Variants in RDH10 observed in about 807,000 individuals in gnomAD.
RDH10 encodes retinol dehydrogenase 10 (all-trans).
In RDH10, 12 loss-of-function variants were observed where a neutral mutation model predicts 30.2. That is an observed-to-expected ratio of 0.40 (90% CI 0.25 to 0.64). The LOEUF is 0.64. Among genes scored for constraint, RDH10 ranks in the 30% least tolerant of loss-of-function variants. The probability of loss-of-function intolerance (pLI) is 0.43; values close to 1 mark genes in which losing one functional copy is unlikely to be tolerated. For synonymous variants in RDH10, 189 were observed against 172.2 expected (o/e 1.10, Z -0.76); for missense variants, 268 against 445.2 (o/e 0.60, Z 3.58).
chr8:73,295,314 G>T lies in RDH10; in HGVS notation c.25G>T (p.Val9Leu), dbSNP rs867212084. The T allele has an allele frequency of 1.3e-6, 2 of 1,566,808 alleles. No individual in the cohort carries two copies. The highest frequency in any genetic ancestry group is 1.9e-5 in the Admixed American group (1 of 53,638). ...GATGAACATCGTGGTGGAGTTCTTC[G>T]TGGTCACTTTCAAAGTGCTCTGGGC... is the stretch of plus-strand genomic sequence containing the variant. MNIVVEFF[V>L]VTFKVLWAFV... Residue 9 changes from valine (V) to leucine (L), a missense_variant, in exon 1 of 6, where the codon GTG (valine) becomes TTG (leucine). Physicochemically the swap from Val to Leu is conservative, Grantham distance 32 (BLOSUM62 1). Around this residue, in one of 4 missense-constraint regions of RDH10, gnomAD observed 44 missense variants for 42.1 expected, o/e 1.04. Transcript: ENST00000240285.
intron 2 of RDH10, among the ~76,000 whole-genome samples, chr8:73,307,885 T>C (rs1441396019): frequency 1.3e-5 from 2 of 152,226 alleles, no homozygotes; most frequent in African/African-American, 4.8e-5. Context: ...CCAGGAAGCT[T>C]GCTCTGTAGA....
chr8:73,298,334 A>G (rs1198624436), intron 2 of RDH10, among the ~76,000 whole-genome samples: 3 of 152,192 alleles, frequency 2.0e-5, no homozygotes, highest in African/African-American at 7.2e-5. Flanking sequence ...GCCTTCTAAT[A>G]GAACACAACA....
intron 2 of RDH10, among the ~76,000 whole-genome samples, chr8:73,301,402 T>A (rs141105954): frequency 6.6e-6 from 1 of 151,906 alleles, no homozygotes; most frequent in African/African-American, 2.4e-5. Context: ...TAGGCTTAAA[T>A]ATTTAGAAGA....
chr8:73,306,920 A>C (rs1428232241), intron 2 of RDH10, among the ~76,000 whole-genome samples: 1 of 152,252 alleles, frequency 6.6e-6, no homozygotes, highest in Admixed American at 6.5e-5. Context: ...GGGTATTTTG[A>C]GGACAAGTGA....
rs767726369 is a variant in RDH10, at chr8:73,322,757, C to T, written c.849C>T (p.Asp283=). ...AGGCCATGAAGGCCATCCTCACTGA[C>T]CAGCCCATGATCTGCACTCCCCGCC... ...VKQAMKAILT[D]QPMICTPRLM... The change falls in exon 5 of 6, where the codon GAC becomes GAT. Residue 283 remains aspartate (D), a synonymous_variant. Transcript: ENST00000240285. 6.2e-7 allele frequency: 1 copy of T among 1,614,076 alleles called. No individual in the cohort carries two copies. The highest frequency in any genetic ancestry group is 8.5e-7 in the Non-Finnish European group (1 of 1,179,954).
intron 2 of RDH10, chr8:73,313,516 T>C (rs1233090934): frequency 6.6e-6 from 1 of 152,126 alleles, no homozygotes; most frequent in African/African-American, 2.4e-5. Flanking sequence ...CAGAATATGG[T>C]ATTGGAATCT....
Position 73,294,636 on chromosome 8 carries a change from GC to G in RDH10, c.-653del. 3.0e-6 allele frequency: 1 copy of G among 329,084 alleles called. No homozygotes were observed. Among genetic ancestry groups the G allele is most frequent in the Non-Finnish European group, 5.5e-6 (1 of 181,942 alleles). 20.4% of individuals were successfully genotyped at this position (329,084 alleles called of 1,614,324 possible). On this transcript the variant is annotated 5_prime_UTR_variant, in exon 1 of 6. Coordinates refer to ENST00000240285, the MANE Select transcript of RDH10 (RefSeq NM_172037.5). The stretch of plus-strand genomic sequence containing the variant: ...CCGGAGCGCTCTGACTTGCAAGCGG[GC>G]TGCGCTGCGGAGCCCAGTGCCCGAG...
At position 73,297,221 on chromosome 8, in the gene RDH10, C is replaced by A. The variant is rs1324680102; in HGVS notation, c.317C>A (p.Pro106His). 1.2e-6 allele frequency: 2 copies of A among 1,612,870 alleles called. No homozygotes were observed. Among genetic ancestry groups the A allele is most frequent in the Admixed American group, 1.7e-5 (1 of 60,020 alleles). ...GGGAATGGTGAGGAAGAAATTCTGC[C>A]CCACTGTAACTTGCAGGTTTTTACC... ...QAGNGEEEILPHCNLQVFTYT... is the reference protein window; with the variant it reads ...QAGNGEEEILHHCNLQVFTYT... The change falls in exon 2 of 6, where the codon CCC becomes CAC. Residue 106 changes from proline to histidine, a missense_variant. Physicochemically the swap from Pro to His is moderately conservative, Grantham distance 77. Around this residue, in one of 4 missense-constraint regions of RDH10, gnomAD observed 46 missense variants for 36.7 expected, o/e 1.25. Transcript: ENST00000240285.
chr8:73,308,608 C>A (rs1489632595), intron 2 of RDH10, among the ~76,000 whole-genome samples: 1 of 152,120 alleles, frequency 6.6e-6, no homozygotes, highest in African/African-American at 2.4e-5. Flanking sequence ...TTTTAGGTTT[C>A]TTCTTTACAA....
rs1814805779 is a variant in RDH10, at chr8:73,323,553, T to A, written c.*517T>A. 6.5e-6 allele frequency: 1 copy of A among 153,660 alleles called. No individual in the cohort carries two copies. Among genetic ancestry groups the A allele is most frequent in the Non-Finnish European group, 1.4e-5 (1 of 68,980 alleles). The allele number at this position is 153,660 out of a possible 1,614,324, so 9.5% of individuals were successfully genotyped here. ...TATGTTTAGCTCTTTTGAAAAGGAA[T>A]TTTGAAATCTCCATCAACTGAAGTA... On this transcript the variant is annotated 3_prime_UTR_variant, in exon 6 of 6. Transcript: ENST00000240285.
intron 1 of RDH10, chr8:73,296,938 T>C: frequency 4.5e-6 from 2 of 443,486 alleles, no homozygotes; most frequent in Non-Finnish European, 8.4e-6. Flanking sequence ...GGTCTACTTG[T>C]ATTGGGCTTG....
At chr8:73,295,754 T>G in intron 1 of RDH10, 176 bp downstream of exon 1, 1 of 921,812 alleles carries the variant, frequency 1.1e-6, no homozygotes, top group Non-Finnish European at 1.5e-6. Context: ...ACGCGATCAC[T>G]TCTGTATTAC....
At chr8:73,308,282 T>C (rs765452180) in intron 2 of RDH10, among the ~76,000 whole-genome samples, 2 of 152,230 alleles carry the variant, frequency 1.3e-5, no homozygotes, top group Non-Finnish European at 2.9e-5. Context: ...AATATTCTTA[T>C]GGGATCAGAA....
At position 73,294,691 on chromosome 8, in the gene RDH10, G is replaced by C; in HGVS notation, c.-599G>C. ...CACCCGCGGAGAGTGCAGGGCCGGG[G>C]AACGCGAGCCCTCGGGGGCAGCTGC... is the stretch of plus-strand genomic sequence containing the variant. On this transcript the variant is annotated 5_prime_UTR_variant, in exon 1 of 6. Transcript: ENST00000240285. The C allele has an allele frequency of 2.7e-6, 1 of 367,790 alleles. No individual in the cohort carries two copies. The allele number at this position is 367,790 out of a possible 1,614,324, so 22.8% of individuals were successfully genotyped here.
At chr8:73,298,874 G>A (rs757390757) in intron 2 of RDH10, among the ~76,000 whole-genome samples, 25 of 152,274 alleles carry the variant, frequency 1.6e-4, no homozygotes, top group Non-Finnish European at 3.2e-4. Flanking sequence ...GAGTACAATG[G>A]CGTGATCTCA....
chr8:73,323,440 G>A lies in RDH10; in HGVS notation c.*404G>A, dbSNP rs969285015. ...TAAACTCTAGCCAGTTGACATCTTC[G>A]CAATTTCAAGGACTGATAGTGCTGT... On this transcript the variant is annotated 3_prime_UTR_variant, in exon 6 of 6. Transcript: ENST00000240285. 7.3e-5 allele frequency: 12 copies of A among 165,250 alleles called. No homozygotes were observed. The highest frequency in any genetic ancestry group is 1.7e-4 in the Admixed American group (3 of 17,692). 10.2% of individuals were successfully genotyped at this position (165,250 alleles called of 1,614,324 possible). A position where few individuals can be genotyped will look rare whatever the true frequency, so the allele number is the denominator to read the frequency against.
intron 2 of RDH10, among the ~76,000 whole-genome samples, chr8:73,306,632 T>C (rs1814467022): frequency 6.6e-6 from 1 of 152,230 alleles, no homozygotes; most frequent in Non-Finnish European, 1.5e-5. Flanking sequence ...CCACTTACAA[T>C]GAATTCACAT....
intron 2 of RDH10, chr8:73,297,911 A>G (rs920637647): frequency 6.0e-5 from 11 of 184,116 alleles, no homozygotes; most frequent in African/African-American, 2.6e-4. Context: ...TCTCCTGACC[A>G]TCCATTGGGT....
intron 2 of RDH10, among the ~76,000 whole-genome samples, chr8:73,301,135 C>T (rs578171395): frequency 4.9e-4 from 71 of 145,272 alleles, no homozygotes; most frequent in African/African-American, 1.7e-3. Context: ...ACTGCAAGCT[C>T]CGCCTCCCAG....
Sources: allele counts gnomAD v4.1 joint callset (sites outside exome capture counted in the v4.1 genomes callset), GRCh38; gene constraint gnomAD v4.1.1; regional missense constraint gnomAD v4.1.1; transcripts MANE v1.5; gene names NCBI Gene and HGNC (gene_info 2026-07-23, HGNC 2026-07-21).